The following DACH2 variants were observed in gnomAD, a reference collection of about 807,000 sequenced individuals.
DACH2 encodes dachshund homolog 2.
Under a neutral mutation model 35.8 loss-of-function variants are expected in DACH2, and 17 were observed. The ratio of observed to expected loss-of-function variants is 0.48; its 90% CI spans 0.33 to 0.71. DACH2 has a LOEUF of 0.71. Ranked by LOEUF, DACH2 falls within the 30% of genes least tolerant of loss-of-function variation. The probability of loss-of-function intolerance (pLI) is 0.02; values close to 1 mark genes in which losing one functional copy is unlikely to be tolerated. For missense variants in DACH2, 469 were observed against 472.7 expected (o/e 0.99, Z 0.07); for synonymous variants, 195 against 177.3 (o/e 1.10, Z -0.79).
chrX:86,320,025 G>C (rs1308712262), intron 1 of DACH2, among the ~76,000 whole-genome samples: 1 of 111,432 alleles, frequency 9.0e-6, no homozygotes, highest in Non-Finnish European at 1.9e-5. Context: ...GATTTTGAGA[G>C]GTATTAATTC....
intron 2 of DACH2, among the ~76,000 whole-genome samples, chrX:86,407,462 A>G (rs2036543874): frequency 8.9e-6 from 1 of 112,398 alleles, no homozygotes; most frequent in Non-Finnish European, 1.9e-5. Flanking sequence ...CAAGCCAGGC[A>G]CGATTAGTAC....
At chrX:86,303,013 A>G (rs1213651667) in intron 1 of DACH2, among the ~76,000 whole-genome samples, 1 of 106,023 alleles carries the variant, frequency 9.4e-6, no homozygotes, top group East Asian at 2.9e-4. Flanking sequence ...CATATTGCAG[A>G]TGAGAAACTG....
chrX:86,157,010 A>C (rs888397236), intron 1 of DACH2, among the ~76,000 whole-genome samples: 4 of 110,768 alleles, frequency 3.6e-5, no homozygotes, highest in African/African-American at 1.3e-4. Flanking sequence ...TGAAGAGTAA[A>C]ATTTCCTTTA....
intron 1 of DACH2, among the ~76,000 whole-genome samples, chrX:86,329,377 A>G (rs1195122507): frequency 2.7e-5 from 3 of 110,853 alleles, no homozygotes; most frequent in African/African-American, 6.6e-5. Flanking sequence ...TGAAATAATT[A>G]CTTAACAGCA....
chrX:86,664,622 A>G (rs2040645250), intron 4 of DACH2, among the ~76,000 whole-genome samples: 1 of 112,369 alleles, frequency 8.9e-6, no homozygotes. Flanking sequence ...GCAAATCAAC[A>G]TCATGAAAGA....
intron 3 of DACH2, among the ~76,000 whole-genome samples, chrX:86,524,826 A>C (rs1025155411): frequency 4.5e-5 from 5 of 111,040 alleles, no homozygotes; most frequent in Non-Finnish European, 9.4e-5. Context: ...AAGCAAACCT[A>C]TAGGATGTTG....
At chrX:86,263,337 G>A (rs751606160) in intron 1 of DACH2, among the ~76,000 whole-genome samples, 29 of 111,254 alleles carry the variant, frequency 2.6e-4, no homozygotes, top group Non-Finnish European at 5.3e-4. Context: ...TAGCATTGCA[G>A]GAGTATTTTA....
rs1252709734 is a variant in DACH2 at position 86,656,865 on chromosome X, A to G, written c.772+5698A>G. Among the ~76,000 whole-genome samples the G allele has an allele frequency of 4.1e-4, 39 of 94,364 alleles. 2 individuals carry two copies. The highest frequency in any genetic ancestry group is 1.3e-3 in the African/African-American group (33 of 25,257). 81.9% of individuals were successfully genotyped at this position (94,364 alleles called of 115,157 possible). On this transcript the variant is annotated intron_variant, in intron 4 of 11. Coordinates refer to ENST00000373125, the MANE Select transcript of DACH2 (RefSeq NM_053281.3). ...AATACATGTGTGTGTGTGTATATAT[A>G]TATATATATATATATATATATATAT...
At chrX:86,647,579 G>C (rs2040430136) in intron 3 of DACH2, among the ~76,000 whole-genome samples, 1 of 110,771 alleles carries the variant, frequency 9.0e-6, no homozygotes, top group Non-Finnish European at 1.9e-5. Flanking sequence ...TGTACAAGAT[G>C]AATAAGTCCT....
Position 86,514,308 on chromosome X carries a change from C to T in DACH2, c.557C>T (p.Ser186Phe). ...AGACCCGGCAGGCCCCCTAAGCGTT[C>T]TTTGGGAGTGTTGCAGGAAAATGCC... The part of the protein sequence containing the change: ...SSRPGRPPKR[S>F]LGVLQENARL... The change falls in exon 3 of 12, where the codon TCT (serine) becomes TTT (phenylalanine). Residue 186 changes from serine (S) to phenylalanine (F), a missense_variant. Physicochemically the swap from Ser to Phe is radical, Grantham distance 155. This residue lies in a region of DACH2 where 363 missense variants were observed against 334.4 expected (regional missense o/e 1.09). Coordinates refer to ENST00000373125, the MANE Select transcript of DACH2 (RefSeq NM_053281.3). 8.3e-7 allele frequency: 1 copy of T among 1,211,276 alleles called. No individual in the cohort carries two copies.
intron 7 of DACH2, among the ~76,000 whole-genome samples, chrX:86,783,596 A>G (rs1463087099): frequency 8.9e-6 from 1 of 112,363 alleles, no homozygotes; most frequent in Non-Finnish European, 1.9e-5. Context: ...ATAAGGAATG[A>G]GATCTTGTCA....
At chrX:86,431,687 A>G (rs1017289218) in intron 2 of DACH2, among the ~76,000 whole-genome samples, 12 of 111,958 alleles carry the variant, frequency 1.1e-4, no homozygotes, top group African/African-American at 3.6e-4. Context: ...GTGTAATTAG[A>G]ATAATAACAG....
chrX:86,797,960 G>T (rs747593680), intron 7 of DACH2, among the ~76,000 whole-genome samples: 2 of 111,971 alleles, frequency 1.8e-5, no homozygotes, highest in African/African-American at 6.5e-5. Context: ...TCTCATGAAC[G>T]TCTTAAATAA....
At chrX:86,304,641 G>A in intron 1 of DACH2, 1 of 168,432 alleles carries the variant, frequency 5.9e-6, no homozygotes, top group East Asian at 1.5e-4. Flanking sequence ...ACAGATTTCA[G>A]AAGGTCTGGA....
chrX:86,430,470 G>A (rs1602510331), intron 2 of DACH2, among the ~76,000 whole-genome samples: 2 of 112,572 alleles, frequency 1.8e-5, no homozygotes, highest in Non-Finnish European at 3.8e-5. Context: ...TTAGCTACTA[G>A]AAAATTTAAA....
At chrX:86,480,698 A>G (rs1384188873) in intron 2 of DACH2, among the ~76,000 whole-genome samples, 1 of 112,405 alleles carries the variant, frequency 8.9e-6, no homozygotes, top group Non-Finnish European at 1.9e-5. Context: ...TAAGGAAATC[A>G]TGATTTTGCA....
At chrX:86,770,204 A>T (rs999336444) in intron 7 of DACH2, among the ~76,000 whole-genome samples, 3 of 109,661 alleles carry the variant, frequency 2.7e-5, no homozygotes, top group Non-Finnish European at 3.8e-5. Context: ...TATACCACAT[A>T]TTCATGTAGG....
At chrX:86,540,616 C>T (rs1032850669) in intron 3 of DACH2, among the ~76,000 whole-genome samples, 7 of 112,268 alleles carry the variant, frequency 6.2e-5, no homozygotes, top group Non-Finnish European at 1.3e-4. Flanking sequence ...GCTGAACTTA[C>T]AGCTGTTCTT....
intron 3 of DACH2, among the ~76,000 whole-genome samples, chrX:86,516,713 C>T (rs1001231698): frequency 9.0e-6 from 1 of 110,860 alleles, no homozygotes; most frequent in Non-Finnish European, 1.9e-5. Flanking sequence ...TCTCCCTCTT[C>T]CTGCCCCTTC....
Sources: allele counts gnomAD v4.1 joint callset (sites outside exome capture counted in the v4.1 genomes callset), GRCh38; gene constraint gnomAD v4.1.1; regional missense constraint gnomAD v4.1.1; transcripts MANE v1.5; gene names NCBI Gene and HGNC (gene_info 2026-07-23, HGNC 2026-07-21).